Variants in COL13A1 observed in about 807,000 individuals in gnomAD.
COL13A1 encodes collagen alpha-1(XIII) chain.
In COL13A1, 89 loss-of-function variants were observed where a neutral mutation model predicts 130.9. The ratio of observed to expected loss-of-function variants is 0.68; its 90% CI spans 0.57 to 0.81. COL13A1 has a LOEUF of 0.81. Among genes scored for constraint, COL13A1 ranks in the 30% least tolerant of loss-of-function variants. The pLI, the probability that COL13A1 is intolerant of heterozygous loss-of-function variation, is 0.00. For missense variants in COL13A1, 879 were observed against 934.6 expected, an observed-to-expected ratio of 0.94 and a Z score of 0.78; for synonymous variants, 402 against 341.6, an observed-to-expected ratio of 1.18 and a Z score of -1.95.
chr10:69,864,080 A>ATAAAT (rs911163166), intron 2 of COL13A1, among the ~76,000 whole-genome samples: 41 of 152,156 alleles, frequency 2.7e-4, no homozygotes, highest in Admixed American at 4.6e-4. Flanking sequence ...AAAAATAATA[A>ATAAAT]TAAATTAAAT....
chr10:69,802,863 G>T (rs1034820308), intron 1 of COL13A1, 146 bp downstream of exon 1: 9 of 1,039,918 alleles, frequency 8.7e-6, no homozygotes, highest in African/African-American at 6.5e-5. Flanking sequence ...TCGGGGACAC[G>T]GACAGACGCT....
rs2071339596 is a variant in COL13A1, at chr10:69,959,019, T to G, written c.*318T>G. ...CAAAGGGGGCCAGCCAGAACTGAGG[T>G]GCTGGCTAGCTCATGTGTGAATTCA... On this transcript the variant is annotated 3_prime_UTR_variant, in exon 41 of 41. Transcript: ENST00000645393. 1 of 339,582 alleles carries G rather than the reference T, an allele frequency of 2.9e-6. No individual in the cohort carries two copies. Among genetic ancestry groups the G allele is most frequent in the African/African-American group, 2.1e-5 (1 of 46,814 alleles). 21.0% of individuals were successfully genotyped at this position (339,582 alleles called of 1,614,324 possible). A position where few individuals can be genotyped will look rare whatever the true frequency, so the allele number is the denominator to read the frequency against.
intron 17 of COL13A1, among the ~76,000 whole-genome samples, chr10:69,916,012 C>G (rs954463367): frequency 6.6e-6 from 1 of 152,182 alleles, no homozygotes; most frequent in Non-Finnish European, 1.5e-5. Context: ...GCAGGGGTCT[C>G]GCTATCCAGC....
In COL13A1 at chr10:69,818,053, C is replaced by T. The variant is rs142129651; in HGVS notation, c.295-4316C>T. Among the ~76,000 whole-genome samples, 198 of 152,252 alleles carry T rather than the reference C, an allele frequency of 1.3e-3. 10 individuals are homozygous for T. The highest frequency in any genetic ancestry group is 1.0e-3 in the Non-Finnish European group (69 of 68,030). Reference sequence around the variant, plus strand: ...CCCTCCAATCAAGGCTCCCGATTTCCGGGTCCACCTTTCCCACCTGCCTTC... The same window carrying T: ...CCCTCCAATCAAGGCTCCCGATTTCTGGGTCCACCTTTCCCACCTGCCTTC... On this transcript the variant is annotated intron_variant, in intron 1 of 40. Transcript: ENST00000645393.
At chr10:69,836,019 G>C (rs1402386102) in intron 2 of COL13A1, among the ~76,000 whole-genome samples, 1 of 152,068 alleles carries the variant, frequency 6.6e-6, no homozygotes, top group Non-Finnish European at 1.5e-5. Flanking sequence ...AGTGTGTGTT[G>C]AAGCCAGAAT....
intron 2 of COL13A1, among the ~76,000 whole-genome samples, chr10:69,845,352 C>T (rs1051025454): frequency 1.3e-4 from 20 of 152,048 alleles, no homozygotes; most frequent in African/African-American, 3.9e-4. Context: ...ACCACCACGC[C>T]TGGCTAATTT....
At chr10:69,855,147 T>A (rs1013256517) in intron 2 of COL13A1, among the ~76,000 whole-genome samples, 4 of 152,172 alleles carry the variant, frequency 2.6e-5, no homozygotes, top group Non-Finnish European at 5.9e-5. Flanking sequence ...AAATAGTAAA[T>A]AGACACAGTG....
At chr10:69,948,802 C>A (rs1376105515) in intron 38 of COL13A1, among the ~76,000 whole-genome samples, 1 of 151,802 alleles carries the variant, frequency 6.6e-6, no homozygotes, top group African/African-American at 2.4e-5. Flanking sequence ...GGAGGCAGGA[C>A]AAGTACCCTT....
In COL13A1 at chr10:69,880,561, GT is replaced by G. The variant is rs2060030354; in HGVS notation, c.513+13del. The G allele has an allele frequency of 1.2e-6, 2 of 1,612,978 alleles. No individual in the cohort carries two copies. Among genetic ancestry groups the G allele is most frequent in the Non-Finnish European group, 1.7e-6 (2 of 1,179,710 alleles). On this transcript the variant is annotated intron_variant, in intron 7 of 40. Coordinates refer to ENST00000645393, the MANE Select transcript of COL13A1 (RefSeq NM_001368882.1). The stretch of plus-strand genomic sequence containing the variant: ...GGTCCCCGCGGCCCCCCTGTAAGTT[GT>G]TTTTGCTCTTCCTCGGGGTGTTGGG...
intron 23 of COL13A1, among the ~76,000 whole-genome samples, chr10:69,923,356 C>T (rs1311651472): frequency 6.6e-6 from 1 of 152,220 alleles, no homozygotes; most frequent in Admixed American, 6.5e-5. Context: ...GATTTGGGTT[C>T]CCCAAAGCAG....
intron 6 of COL13A1, 140 bp downstream of exon 6, chr10:69,878,205 A>T (rs1373991373): frequency 1.3e-5 from 8 of 633,732 alleles, no homozygotes; most frequent in African/African-American, 1.8e-5. Flanking sequence ...ACTGCCTCTC[A>T]CGGCCCCGTT....
intron 27 of COL13A1, among the ~76,000 whole-genome samples, 178 bp downstream of exon 27, chr10:69,927,288 T>G (rs543020692): frequency 2.0e-5 from 3 of 152,232 alleles, no homozygotes; most frequent in African/African-American, 4.8e-5. Flanking sequence ...GAGTCAGGAC[T>G]GGTAGGTGGG....
At chr10:69,858,369 C>A (rs961316525) in intron 2 of COL13A1, among the ~76,000 whole-genome samples, 1 of 152,148 alleles carries the variant, frequency 6.6e-6, no homozygotes, top group African/African-American at 2.4e-5. Context: ...ACTCTTATTA[C>A]CCCCATTTTA....
chr10:69,931,565 T>C lies in COL13A1; in HGVS notation c.1684-995T>C, dbSNP rs2066126752. 3.9e-5 allele frequency among the ~76,000 whole-genome samples: 6 copies of C among 152,000 alleles called. No homozygotes were observed. In the South Asian group the frequency reaches 1.2e-3, roughly 32 times the overall value. On this transcript the variant is annotated intron_variant, in intron 30 of 40. Transcript: ENST00000645393. ...TAGGAAGTGGAAAGAGCCTCAGAGG[T>C]CAACCAGTCCCAAGTCTGACCCAGT... is the stretch of plus-strand genomic sequence containing the variant.
intron 17 of COL13A1, among the ~76,000 whole-genome samples, chr10:69,916,387 G>C (rs1392992277): frequency 1.3e-5 from 2 of 152,210 alleles, no homozygotes; most frequent in African/African-American, 4.8e-5. Context: ...GGCCCCAGCT[G>C]GGGCTTCGTG....
chr10:69,887,640 C>A, intron 8 of COL13A1, 149 bp downstream of exon 8: 1 of 769,042 alleles, frequency 1.3e-6, no homozygotes, highest in Non-Finnish European at 2.1e-6. Context: ...TCATGGACAC[C>A]AACTCAGGAC....
chr10:69,858,046 G>A (rs1488825995), intron 2 of COL13A1, among the ~76,000 whole-genome samples: 10 of 143,524 alleles, frequency 7.0e-5, no homozygotes, highest in African/African-American at 2.3e-4. Context: ...AACCCGGGAG[G>A]CAGAGGTTGC....
intron 14 of COL13A1, 90 bp from the exon 15 acceptor site, chr10:69,902,658 C>G: frequency 1.9e-6 from 2 of 1,029,824 alleles, no homozygotes. Flanking sequence ...GAAATCACAG[C>G]AGGCCTTCAC....
At chr10:69,910,938 G>A (rs2063309082) in intron 17 of COL13A1, among the ~76,000 whole-genome samples, 3 of 152,206 alleles carry the variant, frequency 2.0e-5, no homozygotes, top group South Asian at 4.1e-4. Context: ...GAAGGACCAT[G>A]GCTGAAACAC....
Sources: allele counts gnomAD v4.1 joint callset (sites outside exome capture counted in the v4.1 genomes callset), GRCh38; gene constraint gnomAD v4.1.1; transcripts MANE v1.5; gene names NCBI Gene and HGNC (gene_info 2026-07-23, HGNC 2026-07-21).